Variants in GPR15LG observed in about 807,000 individuals in gnomAD.
GPR15LG encodes the protein G protein-coupled receptor 15 ligand, also known as protein GPR15LG.
At chr10:84,174,950 A>C in the GPR15LG span, among the ~76,000 whole-genome samples, 1 of 152,082 alleles carries the variant, frequency 6.6e-6, no homozygotes, top group African/African-American at 2.4e-5. Context: ...GAAGAAAAAC[A>C]CTCAATTCCA....
At chr10:84,176,834 G>A in the GPR15LG span, among the ~76,000 whole-genome samples, 4 of 152,236 alleles carry the variant, frequency 2.6e-5, no homozygotes, top group Non-Finnish European at 5.9e-5. Context: ...GGTGGGAGGT[G>A]TCTGAGGAGG....
At chr10:84,184,214 T>C in the GPR15LG span, among the ~76,000 whole-genome samples, 1 of 152,200 alleles carries the variant, frequency 6.6e-6, no homozygotes, top group Non-Finnish European at 1.5e-5. Flanking sequence ...TTTTTCTTTC[T>C]TGTGGATGAT....
Sources: gnomAD v4.1 joint callset for allele counts (sites outside exome capture counted in the v4.1 genomes callset) on GRCh38, gnomAD v4.1.1 for gene constraint, MANE v1.5 for transcripts, NCBI Gene and HGNC (gene_info 2026-07-23, HGNC 2026-07-21) for gene names.